Variants in ASTN2 observed in about 807,000 individuals in gnomAD.
ASTN2 encodes astrotactin-2.
ASTN2 carries 54 observed loss-of-function variants against 139.8 expected under a neutral mutation model. The ratio of observed to expected loss-of-function variants is 0.39; its 90% confidence interval spans 0.31 to 0.48. The LOEUF is 0.48. Ranked by LOEUF, ASTN2 falls within the 20% of genes least tolerant of loss-of-function variation. The pLI, the probability that ASTN2 is intolerant of heterozygous loss-of-function variation, is 0.95. For synonymous variants in ASTN2, 756 were observed against 719.5 expected (o/e 1.05, Z -0.81); for missense variants, 1,565 against 1,725.1 (o/e 0.91, Z 1.64).
At chr9:117,192,391 G>GAAAAA (rs56332042) in intron 3 of ASTN2, among the ~76,000 whole-genome samples, 2 of 149,528 alleles carry the variant, frequency 1.3e-5, no homozygotes, top group Non-Finnish European at 3.0e-5. Flanking sequence ...CAGTGGCAAA[G>GAAAAA]AAAAAAAAGA....
rs796807442 is a variant in ASTN2 at position 116,586,839 on chromosome 9, C to CACACACACAT, written c.3355+31484_3355+31485insATGTGTGTGT. Among the ~76,000 whole-genome samples the CACACACACAT allele has an allele frequency of 0.016, 2,380 of 149,348 alleles. 299 individuals carry two copies. In the South Asian group the frequency reaches 0.26, roughly 16 times the overall value. The stretch of plus-strand genomic sequence containing the variant: ...ACACACACACACATACATACACACA[C>CACACACACAT]ACACACACACACACACACACACGTA... On this transcript the variant is annotated intron_variant, in intron 19 of 22. Coordinates refer to ENST00000313400, the MANE Select transcript of ASTN2 (RefSeq NM_001365068.1).
chr9:117,005,862 C>A (rs931544800), intron 7 of ASTN2, among the ~76,000 whole-genome samples: 8 of 150,660 alleles, frequency 5.3e-5, no homozygotes, highest in Non-Finnish European at 9.0e-5. Context: ...AATCCTTGAA[C>A]TTGTTTCCCA....
chr9:117,322,753 C>T (rs964394369), intron 1 of ASTN2, among the ~76,000 whole-genome samples: 5 of 152,100 alleles, frequency 3.3e-5, no homozygotes, highest in Admixed American at 1.3e-4. Flanking sequence ...TTGGTATGAG[C>T]TTTGTTGATG....
chr9:116,643,704 T>C (rs1273662101), intron 17 of ASTN2, among the ~76,000 whole-genome samples: 1 of 152,208 alleles, frequency 6.6e-6, no homozygotes, highest in African/African-American at 2.4e-5. Context: ...TACATATATA[T>C]GTATCTGATG....
intron 13 of ASTN2, among the ~76,000 whole-genome samples, chr9:116,795,942 G>A (rs1830677196): frequency 1.3e-5 from 2 of 152,132 alleles, no homozygotes; most frequent in Non-Finnish European, 2.9e-5. Context: ...GCTTGGAAAG[G>A]GCAGACACGG....
At chr9:116,879,495 T>A (rs192347227) in intron 10 of ASTN2, among the ~76,000 whole-genome samples, 1 of 152,240 alleles carries the variant, frequency 6.6e-6, no homozygotes, top group Admixed American at 6.5e-5. Context: ...AACAACTTAT[T>A]CAACCTCTCT....
At chr9:116,755,773 C>T (rs1829516133) in intron 13 of ASTN2, among the ~76,000 whole-genome samples, 1 of 152,146 alleles carries the variant, frequency 6.6e-6, no homozygotes, top group South Asian at 2.1e-4. Flanking sequence ...TCTGGGTTGG[C>T]CCTAAGCGCC....
intron 2 of ASTN2, among the ~76,000 whole-genome samples, chr9:117,239,027 A>G (rs950995297): frequency 6.6e-6 from 1 of 152,210 alleles, no homozygotes; most frequent in Non-Finnish European, 1.5e-5. Context: ...CTTTAGATGC[A>G]TTACTTCATC....
At chr9:117,008,716 A>C (rs1411904563) in intron 6 of ASTN2, among the ~76,000 whole-genome samples, 2 of 152,180 alleles carry the variant, frequency 1.3e-5, no homozygotes, top group Admixed American at 1.3e-4. Flanking sequence ...TTTCAAAGGA[A>C]AAGAAAAAAG....
At chr9:116,677,621 A>C (rs368927366) in intron 16 of ASTN2, among the ~76,000 whole-genome samples, 5 of 152,180 alleles carry the variant, frequency 3.3e-5, no homozygotes, top group African/African-American at 1.2e-4. Flanking sequence ...GGAAGATGAG[A>C]CTCCCAAGAG....
intron 1 of ASTN2, among the ~76,000 whole-genome samples, chr9:117,379,513 T>A (rs1040526595): frequency 1.8e-4 from 27 of 152,188 alleles, no homozygotes; most frequent in African/African-American, 6.5e-4. Context: ...ATCCTTCCAG[T>A]TAAGCCTTCG....
chr9:117,181,077 T>C (rs767977144), intron 3 of ASTN2: 8 of 1,314,994 alleles, frequency 6.1e-6, no homozygotes, highest in South Asian at 2.3e-5. Flanking sequence ...CCTGTTTCCA[T>C]GGTCCCTTAA....
At chr9:117,282,560 AC>A (rs1369214956) in intron 2 of ASTN2, among the ~76,000 whole-genome samples, 5 of 152,002 alleles carry the variant, frequency 3.3e-5, no homozygotes, top group Non-Finnish European at 4.4e-5. Context: ...TTGCATGTGC[AC>A]CCCCTGTAAA....
At chr9:116,492,593 C>T (rs13296745) in intron 19 of ASTN2, among the ~76,000 whole-genome samples, 23,798 of 152,040 alleles carry the variant, frequency 0.16, 2,274 homozygotes, top group Middle Eastern at 0.23. Flanking sequence ...TTGTACCAGC[C>T]AACTTATGAG....
chr9:117,034,396 C>T (rs1838326233), intron 6 of ASTN2, among the ~76,000 whole-genome samples: 1 of 152,138 alleles, frequency 6.6e-6, no homozygotes, highest in Non-Finnish European at 1.5e-5. Flanking sequence ...ATAGACCACT[C>T]ACATTATATC....
At chr9:116,614,358 A>C (rs1855722977) in intron 19 of ASTN2, among the ~76,000 whole-genome samples, 1 of 152,200 alleles carries the variant, frequency 6.6e-6, no homozygotes, top group African/African-American at 2.4e-5. Flanking sequence ...TCTTCACAGA[A>C]TTGGAAAAAA....
chr9:117,043,744 C>A (rs1415765861), intron 5 of ASTN2, among the ~76,000 whole-genome samples: 1 of 151,896 alleles, frequency 6.6e-6, no homozygotes, highest in Non-Finnish European at 1.5e-5. Flanking sequence ...CCCGTCTCTA[C>A]TAAAAATACA....
intron 11 of ASTN2, among the ~76,000 whole-genome samples, chr9:116,827,439 G>A (rs912301969): frequency 1.3e-5 from 2 of 151,602 alleles, no homozygotes; most frequent in East Asian, 1.9e-4. Context: ...CAATGCAAAG[G>A]ATCAATGAAA....
chr9:116,562,302 A>G (rs59375457), intron 19 of ASTN2: 24,103 of 152,172 alleles, frequency 0.16, 2,058 homozygotes, highest in African/African-American at 0.21. Context: ...TGATTAACCA[A>G]CGTTTTTCCA....
Sources: gnomAD v4.1 joint callset for allele counts (sites outside exome capture counted in the v4.1 genomes callset) on GRCh38, gnomAD v4.1.1 for gene constraint, MANE v1.5 for transcripts, NCBI Gene and HGNC (gene_info 2026-07-23, HGNC 2026-07-21) for gene names.